The following MYO3B variants were observed in gnomAD, a reference collection of about 807,000 sequenced individuals.
MYO3B encodes myosin-IIIb.
In MYO3B, 156 loss-of-function variants were observed where a neutral mutation model predicts 174.6. The ratio of observed to expected loss-of-function variants is 0.89; its 90% CI spans 0.78 to 1.02. MYO3B has a LOEUF of 1.02. Ranked by LOEUF, MYO3B falls within the 50% of genes least tolerant of loss-of-function variation. MYO3B has a pLI of 0.00. For missense variants in MYO3B, 1,632 were observed against 1,639.4 expected (o/e 1.00, Z 0.08); for synonymous variants, 563 against 569.1 (o/e 0.99, Z 0.15).
rs1687475207 is a variant in MYO3B, at chr2:170,504,188, A to G, written c.3370+2323A>G. Among the ~76,000 whole-genome samples, 7 of 152,258 alleles carry G rather than the reference A, an allele frequency of 4.6e-5. No individual in the cohort carries two copies. The South Asian group carries it at 1.5e-3, about 32-fold the overall frequency. ...TGGCTTAGGGATGTTGTCACAGCAC[A>G]ACCATTTCCGGTTGTTTTCTAAGGT... On this transcript the variant is annotated intron_variant, in intron 28 of 34. Coordinates refer to ENST00000408978, the MANE Select transcript of MYO3B (RefSeq NM_138995.5).
chr2:170,324,716 T>G (rs1444216116), intron 7 of MYO3B, among the ~76,000 whole-genome samples: 1 of 152,248 alleles, frequency 6.6e-6, no homozygotes, highest in African/African-American at 2.4e-5. Flanking sequence ...GAACATTTCT[T>G]CTTTGCCATG....
chr2:170,285,916 T>G (rs1380378353), intron 7 of MYO3B, among the ~76,000 whole-genome samples: 1 of 152,168 alleles, frequency 6.6e-6, no homozygotes, highest in African/African-American at 2.4e-5. Context: ...TAAGTCTTTC[T>G]TACATGAAAA....
chr2:170,639,638 G>A (rs542970585), intron 32 of MYO3B, among the ~76,000 whole-genome samples: 2 of 152,274 alleles, frequency 1.3e-5, no homozygotes, highest in East Asian at 1.9e-4. Context: ...GATTCTAAAC[G>A]TTTGCCTTTT....
At chr2:170,361,757 C>T (rs2094163098) in intron 8 of MYO3B, among the ~76,000 whole-genome samples, 1 of 152,178 alleles carries the variant, frequency 6.6e-6, no homozygotes, top group Non-Finnish European at 1.5e-5. Context: ...AGCACTTTTA[C>T]ATCTCTCTCT....
chr2:170,525,843 A>C (rs532944831), intron 30 of MYO3B, among the ~76,000 whole-genome samples: 1 of 152,224 alleles, frequency 6.6e-6, no homozygotes, highest in Non-Finnish European at 1.5e-5. Flanking sequence ...AGATTGTCAC[A>C]TATCTTGACG....
At position 170,400,283 on chromosome 2, in the gene MYO3B, T is replaced by G. The variant is rs763390087; in HGVS notation, c.1887T>G (p.Ser629Arg). ...AISSQHQTDK[S>R]EVPNAEALQN... is the part of the protein sequence containing the mutation. The stretch of plus-strand genomic sequence containing the variant: ...CCTCTCAACATCAGACTGATAAAAG[T>G]GAGGTGCCCAATGCTGAAGCTTTGC... Residue 629 changes from serine (S) to arginine (R), a missense_variant, in exon 17 of 35, where the codon AGT becomes AGG. Ser to Arg is a moderately radical substitution (Grantham distance 110). Transcript: ENST00000408978. 6.2e-7 allele frequency: 1 copy of G among 1,614,046 alleles called. No individual in the cohort carries two copies. The highest frequency in any genetic ancestry group is 8.5e-7 in the Non-Finnish European group (1 of 1,180,002).
intron 3 of MYO3B, among the ~76,000 whole-genome samples, chr2:170,209,893 C>T (rs754650000): frequency 3.9e-5 from 6 of 152,104 alleles, no homozygotes; most frequent in Non-Finnish European, 7.3e-5. Flanking sequence ...TTCCATGTAA[C>T]TAAACATGTC....
chr2:170,408,021 G>A (rs886742183), intron 22 of MYO3B, among the ~76,000 whole-genome samples, 177 bp downstream of exon 22: 2 of 152,218 alleles, frequency 1.3e-5, no homozygotes, highest in Admixed American at 6.5e-5. Context: ...TAATTGAATT[G>A]TGCAGCATCC....
chr2:170,496,840 C>T (rs540733839), intron 25 of MYO3B, among the ~76,000 whole-genome samples: 7 of 152,056 alleles, frequency 4.6e-5, no homozygotes, highest in Admixed American at 3.9e-4. Context: ...GTTGTCCAGG[C>T]TGGTCTCGAA....
At chr2:170,594,002 G>A (rs901911802) in intron 32 of MYO3B, among the ~76,000 whole-genome samples, 2 of 152,100 alleles carry the variant, frequency 1.3e-5, no homozygotes, top group African/African-American at 4.8e-5. Flanking sequence ...CTTTGATCAT[G>A]TTACCTTCCT....
rs371681489 is a variant in MYO3B, at chr2:170,400,247, C to T, written c.1851C>T (p.Phe617=). The T allele has an allele frequency of 9.2e-5, 149 of 1,613,826 alleles. No homozygotes were observed. The highest frequency in any genetic ancestry group is 2.5e-4 in the African/African-American group (19 of 74,828). The change falls in exon 17 of 35, where the codon TTC becomes TTT. Residue 617 remains phenylalanine, a synonymous_variant. Transcript: ENST00000408978. The stretch of plus-strand genomic sequence containing the variant: ...TTTTGAATATTGGGAACATTGAGTT[C>T]GCAGCTATTTCCTCTCAACATCAGA... ...AGILNIGNIE[F]AAISSQHQTD...
intron 32 of MYO3B, 31 bp from the exon 33 acceptor site, chr2:170,651,597 A>C: frequency 6.3e-7 from 1 of 1,587,798 alleles, no homozygotes; most frequent in South Asian, 1.1e-5. Context: ...CACCTCGGAC[A>C]GTTTACAGCA....
chr2:170,541,329 G>C (rs896975442), intron 30 of MYO3B, among the ~76,000 whole-genome samples: 2 of 152,166 alleles, frequency 1.3e-5, no homozygotes, highest in African/African-American at 4.8e-5. Context: ...GGCCAGACAG[G>C]AGTGAGTCCT....
chr2:170,523,333 C>G, intron 30 of MYO3B, among the ~76,000 whole-genome samples: 1 of 152,160 alleles, frequency 6.6e-6, no homozygotes, highest in East Asian at 1.9e-4. Flanking sequence ...GAATAACTTA[C>G]CAAACAGTGG....
intron 25 of MYO3B, among the ~76,000 whole-genome samples, chr2:170,483,923 C>T (rs917228096): frequency 6.6e-6 from 1 of 152,128 alleles, no homozygotes; most frequent in African/African-American, 2.4e-5. Context: ...TCTAGGAGAA[C>T]ACTACCCAGT....
chr2:170,383,212 A>G (rs1333134503), intron 11 of MYO3B, 23 bp downstream of exon 11: 2 of 1,370,964 alleles, frequency 1.5e-6, no homozygotes, highest in African/African-American at 1.4e-5. Flanking sequence ...TTAAGAGCAT[A>G]CTGCTCCTTA....
chr2:170,527,899 A>G (rs1226630673), intron 30 of MYO3B, among the ~76,000 whole-genome samples: 1 of 152,266 alleles, frequency 6.6e-6, no homozygotes, highest in African/African-American at 2.4e-5. Flanking sequence ...TAGCACTCAC[A>G]GAATCCAGAA....
Position 170,601,827 on chromosome 2 carries a change from A to C in MYO3B, c.3734-49801A>C, listed in dbSNP as rs1372426320. On this transcript the variant is annotated intron_variant, in intron 32 of 34. Transcript: ENST00000408978. ...GCTGCTTGTCATCTGCAAAAGTGTTATTCCACATCTCTACCAGTTTCTTTG... is the reference window on the plus strand; with the variant it reads ...GCTGCTTGTCATCTGCAAAAGTGTTCTTCCACATCTCTACCAGTTTCTTTG... 5 of 1,004,032 alleles carry C rather than the reference A, an allele frequency of 5.0e-6. No individual in the cohort carries two copies. In the Admixed American group the frequency reaches 9.6e-5, roughly 19 times the overall value. The allele number at this position is 1,004,032 out of a possible 1,614,324, so 62.2% of individuals were successfully genotyped here.
intron 30 of MYO3B, among the ~76,000 whole-genome samples, chr2:170,541,898 G>A (rs973074223): frequency 6.6e-6 from 1 of 152,008 alleles, no homozygotes. Context: ...TTTTAAATGG[G>A]CATATTGCTT....
Sources: gnomAD v4.1 joint callset for allele counts (sites outside exome capture counted in the v4.1 genomes callset) on GRCh38, gnomAD v4.1.1 for gene constraint, MANE v1.5 for transcripts, NCBI Gene and HGNC (gene_info 2026-07-23, HGNC 2026-07-21) for gene names.